Variants in NLRP14 observed in about 807,000 individuals in gnomAD.
NLRP14 encodes NLR family pyrin domain containing 14.
Under a neutral mutation model 94.7 loss-of-function variants are expected in NLRP14, and 105 were observed. The observed-to-expected ratio is 1.11, with a 90% CI of 0.95 to 1.30. The LOEUF (loss-of-function observed/expected upper bound fraction) is 1.30, where lower values mean the gene tolerates loss of function less well. Ranked by LOEUF, NLRP14 falls within the 50% of genes most tolerant of loss-of-function variation. NLRP14 has a pLI of 0.00. For synonymous variants in NLRP14, 508 were observed against 459.9 expected, an observed-to-expected ratio of 1.10 and a Z score of -1.34; for missense variants, 1,362 against 1,254.1, an observed-to-expected ratio of 1.09 and a Z score of -1.30.
At chr11:7,031,972 C>G (rs1852105193) in intron 1 of NLRP14, among the ~76,000 whole-genome samples, 1 of 152,206 alleles carries the variant, frequency 6.6e-6, no homozygotes, top group South Asian at 2.1e-4. Flanking sequence ...ACTCCCTCTA[C>G]TCCAGCAGTG....
chr11:7,082,306 A>T, the NLRP14 span, among the ~76,000 whole-genome samples: 1 of 152,194 alleles, frequency 6.6e-6, no homozygotes, highest in Non-Finnish European at 1.5e-5. Context: ...ATTTTTTACC[A>T]ACAATGCAAG....
chr11:7,026,901 T>G (rs1252678475), intron 1 of NLRP14, among the ~76,000 whole-genome samples: 1 of 151,884 alleles, frequency 6.6e-6, no homozygotes, highest in African/African-American at 2.4e-5. Context: ...GCATGGCACA[T>G]GTATACGTAT....
chr11:7,039,007 T>A (rs1852206315), intron 2 of NLRP14, 132 bp downstream of exon 2: 5 of 614,842 alleles, frequency 8.1e-6, no homozygotes, highest in Non-Finnish European at 1.2e-5. Flanking sequence ...GGTGGTCTTG[T>A]GCATGGGGAG....
At chr11:7,060,679 C>A (rs546168568) in intron 9 of NLRP14, among the ~76,000 whole-genome samples, 1 of 151,990 alleles carries the variant, frequency 6.6e-6, no homozygotes, top group African/African-American at 2.4e-5. Flanking sequence ...CAATATCCTA[C>A]ACATTTTTAA....
At chr11:7,083,231 T>G in the NLRP14 span, among the ~76,000 whole-genome samples, 1 of 152,240 alleles carries the variant, frequency 6.6e-6, no homozygotes, top group Non-Finnish European at 1.5e-5. Context: ...TGCAAAGGCA[T>G]GTAAGCCAGC....
chr11:7,031,681 T>C (rs1215102867), intron 1 of NLRP14, among the ~76,000 whole-genome samples: 1 of 152,132 alleles, frequency 6.6e-6, no homozygotes, highest in Non-Finnish European at 1.5e-5. Context: ...GGAGCAGGTG[T>C]TCGTCCTTCA....
At chr11:7,031,754 GCC>G (rs1263100902) in intron 1 of NLRP14, among the ~76,000 whole-genome samples, 1 of 152,112 alleles carries the variant, frequency 6.6e-6, no homozygotes, top group Admixed American at 6.6e-5. Context: ...TCTTCCCCTA[GCC>G]CCTCTCCCTA....
chr11:7,020,981 T>G (rs1851920125), intron 1 of NLRP14, among the ~76,000 whole-genome samples: 1 of 152,196 alleles, frequency 6.6e-6, no homozygotes, highest in Non-Finnish European at 1.5e-5. Flanking sequence ...TGCAAGAGCC[T>G]GTTCTATTAT....
In NLRP14 at chr11:7,065,152, C is replaced by T. The variant is rs766129444; in HGVS notation, c.2975+2649C>T. On this transcript the variant is annotated intron_variant, in intron 10 of 11. Coordinates refer to ENST00000299481, the MANE Select transcript of NLRP14 (RefSeq NM_176822.4). ...GCCCCCCAACCTACCTATATGTTGG[C>T]GTATTGAATCGAATTGCATTAAATC... Among the ~76,000 whole-genome samples the T allele has an allele frequency of 4.6e-5, 7 of 152,160 alleles. No individual in the cohort carries two copies. In the East Asian group the frequency reaches 1.3e-3, roughly 29 times the overall value.
chr11:7,083,509 AT>A, the NLRP14 span, among the ~76,000 whole-genome samples: 2 of 152,128 alleles, frequency 1.3e-5, no homozygotes, highest in East Asian at 3.8e-4. Flanking sequence ...GTCTATTCCC[AT>A]CAAGACCCTC....
the NLRP14 span, chr11:7,089,285 C>A: frequency 6.2e-7 from 1 of 1,608,248 alleles, no homozygotes; most frequent in African/African-American, 1.3e-5. Context: ...CGTTCGTCAC[C>A]TTTGAAAGCC....
intron 6 of NLRP14, among the ~76,000 whole-genome samples, chr11:7,051,454 G>A (rs927488669): frequency 1.3e-5 from 2 of 152,204 alleles, no homozygotes; most frequent in Non-Finnish European, 2.9e-5. Context: ...GATGTGGGCA[G>A]TGTCGATACA....
chr11:7,076,541 T>G, the NLRP14 span, among the ~76,000 whole-genome samples: 1 of 152,174 alleles, frequency 6.6e-6, no homozygotes, highest in Non-Finnish European at 1.5e-5. Context: ...CTCTGGCCAC[T>G]CAGCTCCTCT....
chr11:7,084,909 G>T, the NLRP14 span, among the ~76,000 whole-genome samples: 1 of 152,122 alleles, frequency 6.6e-6, no homozygotes, highest in Non-Finnish European at 1.5e-5. Context: ...GCCCTTTGAG[G>T]TCTGCAATAC....
Position 7,043,270 on chromosome 11 carries a change from C to G in NLRP14, c.1244C>G (p.Ser415Cys). ...SSLFTPVDGG[S>C]PSLPNQAQLR... ...TTGTTCACACCAGTAGATGGAGGCT[C>G]TCCTAGTCTACCCAACCAAGCCCAG... The change falls in exon 4 of 12, where the codon TCT becomes TGT. Residue 415 changes from serine to cysteine, a missense_variant. Transcript: ENST00000299481. 1 of 1,614,206 alleles carries G rather than the reference C, an allele frequency of 6.2e-7. No individual in the cohort carries two copies. The highest frequency in any genetic ancestry group is 8.5e-7 in the Non-Finnish European group (1 of 1,180,032).
intron 10 of NLRP14, among the ~76,000 whole-genome samples, chr11:7,064,435 T>A (rs1852674685): frequency 1.3e-5 from 2 of 152,054 alleles, no homozygotes; most frequent in Non-Finnish European, 2.9e-5. Context: ...GGCCAAGGTG[T>A]TGGATCTAGG....
chr11:7,023,974 A>G (rs7106879), intron 1 of NLRP14, among the ~76,000 whole-genome samples: 88,484 of 151,864 alleles, frequency 0.58, 26,648 homozygotes, highest in East Asian at 0.73. Context: ...CCACTGTTAG[A>G]GATTACATTT....
In NLRP14 at chr11:7,071,254, G is replaced by A; in HGVS notation, c.3228G>A (p.Lys1076=). ...VGVSNPHLII[K]PDCNYHNEED... is the part of the protein sequence containing the mutation. Reference sequence around the variant, plus strand: ...TTAGCAATCCACACTTAATCATTAAGCCAGATTGTAACTATCATAATGAAG... The same window carrying A: ...TTAGCAATCCACACTTAATCATTAAACCAGATTGTAACTATCATAATGAAG... Residue 1076 remains lysine (K), a synonymous_variant, in exon 12 of 12, where the codon AAG becomes AAA. Transcript: ENST00000299481. The A allele has an allele frequency of 6.2e-7, 1 of 1,613,554 alleles. No homozygotes were observed.
the NLRP14 span, among the ~76,000 whole-genome samples, chr11:7,079,688 G>T: frequency 6.6e-6 from 1 of 152,152 alleles, no homozygotes; most frequent in Admixed American, 6.5e-5. Context: ...AAAGACAAAG[G>T]GTCTCTCAGC....
Sources: gnomAD v4.1 joint callset for allele counts (sites outside exome capture counted in the v4.1 genomes callset) on GRCh38, gnomAD v4.1.1 for gene constraint, MANE v1.5 for transcripts, NCBI Gene and HGNC (gene_info 2026-07-23, HGNC 2026-07-21) for gene names.